SULF2: variants seen among roughly 807,000 people sequenced by gnomAD.
SULF2 encodes sulfatase 2.
In SULF2, 52 loss-of-function variants were observed where a neutral mutation model predicts 107.7. That is an observed-to-expected ratio of 0.48 (90% CI 0.39 to 0.61). The LOEUF (loss-of-function observed/expected upper bound fraction) is 0.61, where lower values mean the gene tolerates loss of function less well. Ranked by LOEUF, SULF2 falls within the 20% of genes least tolerant of loss-of-function variation. The pLI is 0.00. For synonymous variants in SULF2, 460 were observed against 464.3 expected (o/e 0.99, Z 0.12); for missense variants, 993 against 1,177.3 (o/e 0.84, Z 2.29).
chr20:47,750,902 C>T (rs1188143724), intron 2 of SULF2, among the ~76,000 whole-genome samples: 2 of 152,200 alleles, frequency 1.3e-5, no homozygotes, highest in Non-Finnish European at 2.9e-5. Context: ...GGTTTCCTTA[C>T]CTTCTTTGCT....
intron 1 of SULF2, among the ~76,000 whole-genome samples, chr20:47,776,483 G>A (rs1240822430): frequency 6.6e-6 from 1 of 152,186 alleles, no homozygotes; most frequent in Non-Finnish European, 1.5e-5. Flanking sequence ...CAAAGTGCTC[G>A]GTAAATGTGA....
At chr20:47,690,863 T>C (rs1399929344) in intron 4 of SULF2, among the ~76,000 whole-genome samples, 1 of 98,308 alleles carries the variant, frequency 1.0e-5, no homozygotes, top group Non-Finnish European at 2.0e-5. Context: ...AGCAAGACTC[T>C]GACTCAAAAA....
intron 6 of SULF2, 46 bp downstream of exon 6, chr20:47,684,385 G>T: frequency 6.4e-7 from 1 of 1,552,526 alleles, no homozygotes; most frequent in Non-Finnish European, 8.7e-7. Context: ...GGCCTGGCTG[G>T]GGGTTCGGAG....
intron 3 of SULF2, among the ~76,000 whole-genome samples, chr20:47,715,738 T>C (rs2089097408): frequency 6.6e-6 from 1 of 152,076 alleles, no homozygotes; most frequent in Admixed American, 6.6e-5. Flanking sequence ...TTCGCCACCA[T>C]GCCTGGCTAA....
intron 1 of SULF2, among the ~76,000 whole-genome samples, chr20:47,776,068 G>A (rs1568932293): frequency 6.6e-6 from 1 of 152,124 alleles, no homozygotes; most frequent in Non-Finnish European, 1.5e-5. Context: ...GCCACTTTTG[G>A]TAGAGATGGA....
chr20:47,739,787 T>C (rs917935145), intron 2 of SULF2, among the ~76,000 whole-genome samples: 2 of 152,224 alleles, frequency 1.3e-5, no homozygotes, highest in Non-Finnish European at 2.9e-5. Flanking sequence ...CCAGCTAAAT[T>C]AACATATAAA....
At chr20:47,662,518 G>T (rs1328205311) in intron 17 of SULF2, among the ~76,000 whole-genome samples, 1 of 152,216 alleles carries the variant, frequency 6.6e-6, no homozygotes, top group Non-Finnish European at 1.5e-5. Flanking sequence ...GTACAGGAAA[G>T]CTCTAGTGCT....
intron 1 of SULF2, among the ~76,000 whole-genome samples, chr20:47,764,384 TCTC>T (rs1329439580): frequency 6.6e-6 from 1 of 151,066 alleles, no homozygotes; most frequent in Admixed American, 6.6e-5. Context: ...CAAAGAATTA[TCTC>T]CTGTCTCCTG....
chr20:47,674,163 T>C (rs2087564652), intron 10 of SULF2, among the ~76,000 whole-genome samples: 1 of 152,272 alleles, frequency 6.6e-6, no homozygotes, highest in Non-Finnish European at 1.5e-5. Flanking sequence ...CCAAACTATT[T>C]ACTGTCTGAT....
intron 2 of SULF2, among the ~76,000 whole-genome samples, chr20:47,755,022 CG>C (rs11086225): frequency 0.42 from 64,226 of 151,682 alleles, 13,879 homozygotes; most frequent in African/African-American, 0.49. Context: ...TTTGTTAAGA[CG>C]GGGGGGGTCT....
intron 3 of SULF2, among the ~76,000 whole-genome samples, chr20:47,714,114 T>C (rs1344455799): frequency 6.6e-6 from 1 of 152,166 alleles, no homozygotes; most frequent in Non-Finnish European, 1.5e-5. Context: ...GGAAAGTCCG[T>C]CCTTCCCAAA....
chr20:47,785,444 CTG>C lies in SULF2; in HGVS notation c.-204_-203del, dbSNP rs2090911134. The C allele has an allele frequency of 6.7e-6, 1 of 150,154 alleles. No homozygotes were observed. The highest frequency in any genetic ancestry group is 1.3e-5 in the Non-Finnish European group (1 of 74,554). The allele number at this position is 150,154 out of a possible 1,614,324, so 9.3% of individuals were successfully genotyped here. The stretch of plus-strand genomic sequence containing the variant: ...GGGCGCAGGGGACTCCGCGCCGCCG[CTG>C]CCGCTGCCGCCGCCGCCGCCGCCGC... On this transcript the variant is annotated 5_prime_UTR_variant, in exon 1 of 21. Transcript: ENST00000688720.
intron 4 of SULF2, among the ~76,000 whole-genome samples, chr20:47,700,676 C>T (rs1031964615): frequency 2.2e-5 from 3 of 139,230 alleles, no homozygotes; most frequent in South Asian, 2.3e-4. Flanking sequence ...GATGGAGTCT[C>T]GCTCTGTCTC....
intron 4 of SULF2, among the ~76,000 whole-genome samples, chr20:47,693,235 TG>T (rs1293047391): frequency 1.3e-5 from 2 of 152,208 alleles, no homozygotes; most frequent in Non-Finnish European, 2.9e-5. Flanking sequence ...TAATTTACAA[TG>T]GATCTAAAAA....
intron 1 of SULF2, among the ~76,000 whole-genome samples, chr20:47,763,238 C>T (rs766086894): frequency 2.8e-4 from 43 of 152,170 alleles, no homozygotes; most frequent in Non-Finnish European, 5.4e-4. Context: ...GCTCGCCAGC[C>T]CAGGAGACAT....
At chr20:47,665,720 G>T in intron 13 of SULF2, 137 bp downstream of exon 13, 1 of 694,738 alleles carries the variant, frequency 1.4e-6, no homozygotes, top group Non-Finnish European at 2.5e-6. Flanking sequence ...TCCCCGCGTT[G>T]AGGAATCTGT....
At chr20:47,676,707 T>C in intron 9 of SULF2, 84 bp from the exon 10 acceptor site, 2 of 1,501,562 alleles carry the variant, frequency 1.3e-6, no homozygotes, top group East Asian at 4.9e-5. Flanking sequence ...CCTAGAGGGG[T>C]GCCCCCTCGG....
chr20:47,731,190 T>TTTTTTTTTTTTTTTTTATTTA (rs2089598496), intron 3 of SULF2, among the ~76,000 whole-genome samples: 6 of 88,640 alleles, frequency 6.8e-5, no homozygotes, highest in African/African-American at 2.5e-4. Context: ...ATCTTCTCTT[T>TTTTTTTTTTTTTTTTTATTTA]TTTTTTTTTT....
intron 3 of SULF2, among the ~76,000 whole-genome samples, chr20:47,735,918 C>A (rs186638033): frequency 2.0e-5 from 3 of 152,308 alleles, no homozygotes; most frequent in Admixed American, 1.3e-4. Flanking sequence ...CACTTGGATG[C>A]AACTTCCTGG....
Sources: allele counts gnomAD v4.1 joint callset (sites outside exome capture counted in the v4.1 genomes callset), GRCh38; gene constraint gnomAD v4.1.1; transcripts MANE v1.5; gene names NCBI Gene and HGNC (gene_info 2026-07-23, HGNC 2026-07-21).